ASTN2: variants seen among roughly 807,000 people sequenced by gnomAD.
The protein encoded by ASTN2 is astrotactin 2, also known as astrotactin-2.
A neutral mutation model predicts 139.8 loss-of-function variants in ASTN2; 54 were observed. That is an observed-to-expected ratio of 0.39 (90% CI 0.31 to 0.48). The LOEUF (loss-of-function observed/expected upper bound fraction) is 0.48. Ranked by LOEUF, ASTN2 falls within the 20% of genes least tolerant of loss-of-function variation. The pLI, the probability that ASTN2 is intolerant of heterozygous loss-of-function variation, is 0.95. For synonymous variants in ASTN2, 756 were observed against 719.5 expected, an observed-to-expected ratio of 1.05 and a Z score of -0.81; for missense variants, 1,565 against 1,725.1, an observed-to-expected ratio of 0.91 and a Z score of 1.64.
intron 2 of ASTN2, among the ~76,000 whole-genome samples, chr9:117,272,454 C>T (rs1455012572): frequency 6.6e-6 from 1 of 152,240 alleles, no homozygotes; most frequent in African/African-American, 2.4e-5. Flanking sequence ...GGGATTAACA[C>T]TAGGCTCTTT....
At chr9:116,507,608 G>A (rs910947346) in intron 19 of ASTN2, among the ~76,000 whole-genome samples, 1 of 152,106 alleles carries the variant, frequency 6.6e-6, no homozygotes, top group South Asian at 2.1e-4. Flanking sequence ...CTGGTGCCTC[G>A]TGGGTATTCA....
intron 16 of ASTN2, among the ~76,000 whole-genome samples, chr9:116,665,737 C>T (rs1003230240): frequency 6.6e-6 from 1 of 152,038 alleles, no homozygotes; most frequent in African/African-American, 2.4e-5. Context: ...TCACATTGGC[C>T]TAACATTAAA....
chr9:116,621,488 T>A (rs937114865), intron 17 of ASTN2, among the ~76,000 whole-genome samples: 1 of 151,554 alleles, frequency 6.6e-6, no homozygotes, highest in Non-Finnish European at 1.5e-5. Context: ...CCTGGAATAT[T>A]CCCCTCTCTG....
chr9:116,971,985 T>C (rs1928987), intron 10 of ASTN2, among the ~76,000 whole-genome samples: 42,617 of 152,074 alleles, frequency 0.28, 6,248 homozygotes, highest in Admixed American at 0.37. Context: ...ATAAACTTTA[T>C]GTTTAATCAA....
intron 11 of ASTN2, among the ~76,000 whole-genome samples, chr9:116,822,482 C>T (rs1216616172): frequency 1.3e-5 from 2 of 152,182 alleles, no homozygotes; most frequent in East Asian, 1.9e-4. Context: ...AAGAGGGCAC[C>T]TGGTCACAGG....
intron 4 of ASTN2, among the ~76,000 whole-genome samples, chr9:117,124,613 C>T (rs1829640306): frequency 6.6e-6 from 1 of 152,098 alleles, no homozygotes. Flanking sequence ...GGAAAGGAGG[C>T]ACTGCTGTTG....
rs1210813269 is a variant in ASTN2, at chr9:117,414,558, C to A, written c.381G>T (p.Leu127=). 2.5e-6 allele frequency: 4 copies of A among 1,603,402 alleles called. No homozygotes were observed. Among genetic ancestry groups the A allele is most frequent in the South Asian group, 1.1e-5 (1 of 90,828 alleles). Residue 127 remains leucine, a synonymous_variant, in exon 1 of 23, where the codon CTG becomes CTT. Coordinates refer to ENST00000313400, the MANE Select transcript of ASTN2 (RefSeq NM_001365068.1). The surrounding 1 kb of genome is among the most constrained non-coding windows in gnomAD (Gnocchi z 4.2). ...SRLLLFVRNE[L]PGRIAVQDDL... Reference sequence around the variant, plus strand: ...CGTCCTGCACCGCGATGCGCCCCGGCAGCTCGTTACGCACAAAGAGCAGGA... The same window carrying A: ...CGTCCTGCACCGCGATGCGCCCCGGAAGCTCGTTACGCACAAAGAGCAGGA...
At position 116,623,874 on chromosome 9, in the gene ASTN2, G is replaced by A. The variant is rs144756702; in HGVS notation, c.3073-3431C>T. ...GATTTGATCCAAAATATCCTGTTCA[G>A]CCACTCTGCTTGGGTCATGTGCTTA... On this transcript the variant is annotated intron_variant, in intron 17 of 22. Coordinates refer to ENST00000313400, the MANE Select transcript of ASTN2 (RefSeq NM_001365068.1). Among the ~76,000 whole-genome samples, 1,326 of 152,130 alleles carry A rather than the reference G, an allele frequency of 8.7e-3. 22 individuals are homozygous for A. Among genetic ancestry groups the A allele is most frequent in the African/African-American group, 0.031 (1,285 of 41,500 alleles).
At chr9:117,144,867 G>C (rs1162043020) in intron 3 of ASTN2, among the ~76,000 whole-genome samples, 3 of 151,644 alleles carry the variant, frequency 2.0e-5, no homozygotes, top group Admixed American at 6.6e-5. Flanking sequence ...ATTTTTAGTA[G>C]AGGTGGGGTT....
intron 2 of ASTN2, among the ~76,000 whole-genome samples, chr9:117,229,421 G>A (rs1341233618): frequency 6.6e-6 from 1 of 152,084 alleles, no homozygotes; most frequent in Non-Finnish European, 1.5e-5. Flanking sequence ...GCTCCAGCTG[G>A]GCTACCCAAG....
At chr9:116,951,919 A>G (rs918777217) in intron 10 of ASTN2, among the ~76,000 whole-genome samples, 4 of 152,208 alleles carry the variant, frequency 2.6e-5, no homozygotes, top group Non-Finnish European at 5.9e-5. Flanking sequence ...CTAACCCCAT[A>G]GTTTCAAATA....
chr9:116,846,749 A>C (rs1186142155), intron 11 of ASTN2, among the ~76,000 whole-genome samples: 1 of 152,150 alleles, frequency 6.6e-6, no homozygotes, highest in Non-Finnish European at 1.5e-5. Flanking sequence ...GGGGTCTCCC[A>C]TCTTGGACAT....
At chr9:116,906,517 C>T (rs980139656) in intron 10 of ASTN2, among the ~76,000 whole-genome samples, 9 of 152,190 alleles carry the variant, frequency 5.9e-5, no homozygotes, top group African/African-American at 2.2e-4. Context: ...TTCCACTCTT[C>T]CCAACGCCCA....
chr9:116,510,417 A>T (rs141259465), intron 19 of ASTN2, among the ~76,000 whole-genome samples: 3 of 152,222 alleles, frequency 2.0e-5, no homozygotes, highest in African/African-American at 7.2e-5. Context: ...CTTGTAGTAT[A>T]GTTTGAAATC....
intron 20 of ASTN2, among the ~76,000 whole-genome samples, chr9:116,481,886 G>A (rs941967640): frequency 5.9e-5 from 9 of 152,182 alleles, no homozygotes; most frequent in Non-Finnish European, 1.2e-4. Context: ...CAGCACATGG[G>A]AGGAGGGGAG....
At chr9:116,667,062 TCTC>T (rs1858912836) in intron 16 of ASTN2, among the ~76,000 whole-genome samples, 1 of 150,100 alleles carries the variant, frequency 6.7e-6, no homozygotes, top group African/African-American at 2.4e-5. Context: ...TTCAAGCTAT[TCTC>T]CTACCTCAGC....
chr9:116,592,886 C>T (rs1854431853), intron 19 of ASTN2, among the ~76,000 whole-genome samples: 1 of 152,196 alleles, frequency 6.6e-6, no homozygotes, highest in Non-Finnish European at 1.5e-5. Context: ...ATAATGTTGC[C>T]TTCCTTCTCC....
intron 7 of ASTN2, among the ~76,000 whole-genome samples, chr9:116,992,815 GCTAA>G (rs1312529131): frequency 6.6e-6 from 1 of 152,182 alleles, no homozygotes; most frequent in Admixed American, 6.5e-5. Context: ...AGCTTCTTTT[GCTAA>G]CTACCTCCAA....
chr9:116,650,680 T>G (rs1857857931), intron 17 of ASTN2, among the ~76,000 whole-genome samples: 1 of 152,212 alleles, frequency 6.6e-6, no homozygotes, highest in Non-Finnish European at 1.5e-5. Context: ...ACCAAACCCA[T>G]GTCTTCTCCT....
Sources: allele counts gnomAD v4.1 joint callset (sites outside exome capture counted in the v4.1 genomes callset), GRCh38; gene constraint gnomAD v4.1.1; non-coding constraint Gnocchi (gnomAD v3.1); transcripts MANE v1.5; gene names NCBI Gene and HGNC (gene_info 2026-07-23, HGNC 2026-07-21).